Variants in ERBIN observed in about 807,000 individuals in gnomAD.
The protein encoded by ERBIN is erbb2 interacting protein, also known as densin-180-like protein.
ERBIN carries 60 observed loss-of-function variants against 158.4 expected under a neutral mutation model. That is an observed-to-expected ratio of 0.38 (90% CI 0.31 to 0.47). The LOEUF (loss-of-function observed/expected upper bound fraction) is 0.47. Ranked by LOEUF, ERBIN falls within the 20% of genes least tolerant of loss-of-function variation. The probability of loss-of-function intolerance (pLI) is 0.99; values close to 1 mark genes in which losing one functional copy is unlikely to be tolerated. For synonymous variants in ERBIN, 594 were observed against 557.2 expected (o/e 1.07, Z -0.93); for missense variants, 1,610 against 1,648.0 (o/e 0.98, Z 0.40).
chr5:66,068,495 A>G (rs1405779729), intron 21 of ERBIN, among the ~76,000 whole-genome samples: 1 of 152,192 alleles, frequency 6.6e-6, no homozygotes, highest in African/African-American at 2.4e-5. Flanking sequence ...TTATCTTTAT[A>G]TAGAGAAATT....
At chr5:65,952,817 T>G (rs540967647) in intron 1 of ERBIN, among the ~76,000 whole-genome samples, 17 of 152,324 alleles carry the variant, frequency 1.1e-4, no homozygotes, top group African/African-American at 4.1e-4. Flanking sequence ...TTATTTAGAT[T>G]GAGATGATTT....
At position 66,038,897 on chromosome 5, in the gene ERBIN, T is replaced by C. The variant is rs187207559; in HGVS notation, c.1306+415T>C. Among the ~76,000 whole-genome samples the C allele has an allele frequency of 2.9e-4, 44 of 152,144 alleles. 1 individual carries two copies. The highest frequency in any genetic ancestry group is 2.6e-3 in the Admixed American group (40 of 15,266). On this transcript the variant is annotated intron_variant, in intron 15 of 25. Transcript: ENST00000284037. ...ACTATAAATACTACTCTTAAATTCT[T>C]TTCTTTATTTTGCCCGACAAGGGGG...
intron 1 of ERBIN, among the ~76,000 whole-genome samples, chr5:65,959,029 A>T (rs538661413): frequency 4.6e-5 from 7 of 152,316 alleles, no homozygotes; most frequent in African/African-American, 1.7e-4. Flanking sequence ...TACTTTTTCT[A>T]AGGGTAAATT....
chr5:66,038,119 A>C (rs560658411), intron 14 of ERBIN, among the ~76,000 whole-genome samples: 1 of 152,298 alleles, frequency 6.6e-6, no homozygotes, highest in East Asian at 1.9e-4. Flanking sequence ...TAGTATATGA[A>C]ATCTTTTAAA....
chr5:65,935,203 T>A (rs1187302856), intron 1 of ERBIN, among the ~76,000 whole-genome samples: 1 of 152,164 alleles, frequency 6.6e-6, no homozygotes, highest in Non-Finnish European at 1.5e-5. Flanking sequence ...ACCAGGGGTT[T>A]TATTGGGGTA....
intron 1 of ERBIN, among the ~76,000 whole-genome samples, chr5:65,943,810 T>C (rs879322566): frequency 1.3e-5 from 2 of 152,234 alleles, no homozygotes; most frequent in Non-Finnish European, 2.9e-5. Context: ...AGAACTCTTT[T>C]CATTTTGCAA....
chr5:66,076,802 GA>G, intron 24 of ERBIN, 72 bp from the exon 25 acceptor site: 1 of 1,077,376 alleles, frequency 9.3e-7, no homozygotes, highest in Non-Finnish European at 1.4e-6. Context: ...TGGTGTGGAG[GA>G]AAAATTGCTC....
At chr5:65,974,212 T>C (rs570160693) in intron 1 of ERBIN, among the ~76,000 whole-genome samples, 1 of 152,264 alleles carries the variant, frequency 6.6e-6, no homozygotes, top group African/African-American at 2.4e-5. Context: ...TCAATAGGTA[T>C]ATTGACAGTG....
chr5:66,051,001 C>T (rs771667874), intron 20 of ERBIN, 35 bp downstream of exon 20: 6 of 1,368,866 alleles, frequency 4.4e-6, no homozygotes, highest in Non-Finnish European at 6.1e-6. Flanking sequence ...TTTATTTATA[C>T]AATAAATAGA....
chr5:66,034,773 A>G (rs1374190260), intron 14 of ERBIN, among the ~76,000 whole-genome samples: 3 of 152,152 alleles, frequency 2.0e-5, no homozygotes, highest in East Asian at 1.9e-4. Context: ...TTGCTCAGCA[A>G]TGTAATATAG....
chr5:66,027,292 A>G (rs1756372365), intron 13 of ERBIN, among the ~76,000 whole-genome samples: 1 of 151,372 alleles, frequency 6.6e-6, no homozygotes, highest in Non-Finnish European at 1.5e-5. Flanking sequence ...ATTTAAAAGA[A>G]CCACTGCTTT....
chr5:65,976,285 G>A (rs1373717092), intron 1 of ERBIN, among the ~76,000 whole-genome samples: 1 of 152,070 alleles, frequency 6.6e-6, no homozygotes, highest in Non-Finnish European at 1.5e-5. Flanking sequence ...ACCATCTGGC[G>A]AACATGGTGA....
rs1759430618 is a variant in ERBIN at position 66,054,802 on chromosome 5, T to A, written c.3484T>A (p.Phe1162Ile). Reference sequence around the variant, plus strand: ...AGAGAGAACTATGTCAGTTAGTGATTTCAATTATTCACGGACTAGTCCTTC... The same window carrying A: ...AGAGAGAACTATGTCAGTTAGTGATATCAATTATTCACGGACTAGTCCTTC... The part of the protein sequence containing the change: ...IPERTMSVSD[F>I]NYSRTSPSKR... Residue 1162 changes from phenylalanine (F) to isoleucine (I), a missense_variant, in exon 21 of 26, where the codon TTC becomes ATC. Phe to Ile is a conservative substitution (Grantham distance 21, BLOSUM62 0). Coordinates refer to ENST00000284037, the MANE Select transcript of ERBIN (RefSeq NM_001253697.2). 1 of 1,614,128 alleles carries A rather than the reference T, an allele frequency of 6.2e-7. No homozygotes were observed. The highest frequency in any genetic ancestry group is 2.2e-5 in the East Asian group (1 of 44,880).
chr5:66,075,094 C>T lies in ERBIN; in HGVS notation c.3827C>T (p.Pro1276Leu). 6.2e-7 allele frequency: 1 copy of T among 1,614,092 alleles called. No homozygotes were observed. The highest frequency in any genetic ancestry group is 8.5e-7 in the Non-Finnish European group (1 of 1,180,000). Residue 1276 changes from proline (P) to leucine (L), a missense_variant, in exon 23 of 26, where the codon CCC (proline) becomes CTC (leucine). By Grantham distance (98) the Pro-to-Leu change is moderately conservative. Around this residue, in one of 2 missense-constraint regions of ERBIN, gnomAD observed 1,014 missense variants for 936.1 expected, o/e 1.08. Transcript: ENST00000284037. Reference sequence around the variant, plus strand: ...GCAAATTATAGTCAAATACATCACCCCCCTCAGGCATCTGTGGCAAGGCAT... The same window carrying T: ...GCAAATTATAGTCAAATACATCACCTCCCTCAGGCATCTGTGGCAAGGCAT... ...PQANYSQIHHPPQASVARHPS... is the reference protein window; with the variant it reads ...PQANYSQIHHLPQASVARHPS...
chr5:65,961,987 G>A (rs1290178118), intron 1 of ERBIN, among the ~76,000 whole-genome samples: 4 of 152,132 alleles, frequency 2.6e-5, no homozygotes, highest in East Asian at 1.9e-4. Context: ...AACCAAGTAA[G>A]GTTTCTTATA....
chr5:65,977,855 A>G (rs1217790577), intron 1 of ERBIN, among the ~76,000 whole-genome samples: 1 of 152,100 alleles, frequency 6.6e-6, no homozygotes, highest in African/African-American at 2.4e-5. Context: ...ACTGCACTCC[A>G]GCCTGGGCAC....
At chr5:65,981,651 C>CAA (rs200663607) in intron 1 of ERBIN, among the ~76,000 whole-genome samples, 39 of 146,638 alleles carry the variant, frequency 2.7e-4, no homozygotes, top group African/African-American at 9.2e-4. Context: ...TTTTAAACAA[C>CAA]AAAAAAAAAA....
intron 21 of ERBIN, among the ~76,000 whole-genome samples, chr5:66,071,044 G>T (rs910455461): frequency 5.3e-5 from 8 of 151,972 alleles, no homozygotes; most frequent in African/African-American, 1.5e-4. Flanking sequence ...TTGCTTCCTG[G>T]CATATTTATA....
chr5:66,000,190 T>C (rs1196559851), intron 4 of ERBIN, among the ~76,000 whole-genome samples: 2 of 152,192 alleles, frequency 1.3e-5, no homozygotes, highest in Admixed American at 6.5e-5. Flanking sequence ...ATGTATTGGG[T>C]AAACTTTGCT....
Sources: gnomAD v4.1 joint callset for allele counts (sites outside exome capture counted in the v4.1 genomes callset) on GRCh38, gnomAD v4.1.1 for gene constraint, gnomAD v4.1.1 regional missense constraint, MANE v1.5 for transcripts, NCBI Gene and HGNC (gene_info 2026-07-23, HGNC 2026-07-21) for gene names.